Variants in PPARGC1A observed in about 807,000 individuals in gnomAD.
The protein encoded by PPARGC1A is PPARG coactivator 1 alpha.
In PPARGC1A, 25 loss-of-function variants were observed where a neutral mutation model predicts 88.7. That is an observed-to-expected ratio of 0.28 (90% confidence interval 0.21 to 0.39). The LOEUF (loss-of-function observed/expected upper bound fraction) is 0.39, where lower values mean the gene tolerates loss of function less well. PPARGC1A is among the 10% of genes least tolerant of loss of function. The pLI is 1.00. For synonymous variants in PPARGC1A, 363 were observed against 355.6 expected (o/e 1.02, Z -0.24); for missense variants, 880 against 968.7 (o/e 0.91, Z 1.22).
the PPARGC1A span, among the ~76,000 whole-genome samples, chr4:24,295,250 C>T: frequency 6.6e-6 from 1 of 152,180 alleles, no homozygotes; most frequent in Admixed American, 6.5e-5. Flanking sequence ...TCTTTCCCTC[C>T]ATCACAACTT....
chr4:23,828,334 G>T, intron 5 of PPARGC1A, 66 bp downstream of exon 5: 1 of 1,495,704 alleles, frequency 6.7e-7, no homozygotes, highest in Non-Finnish European at 9.3e-7. Flanking sequence ...TGTGTTCTCA[G>T]ACTTTGCATG....
chr4:24,452,511 T>C, the PPARGC1A span, among the ~76,000 whole-genome samples: 1 of 152,242 alleles, frequency 6.6e-6, no homozygotes, highest in Admixed American at 6.5e-5. Flanking sequence ...TAGGATCCAT[T>C]CGCTTCCTTG....
upstream of PPARGC1A, among the ~76,000 whole-genome samples, chr4:23,895,004 A>G (rs773123939): frequency 8.5e-5 from 13 of 152,058 alleles, no homozygotes; most frequent in Non-Finnish European, 1.6e-4. Flanking sequence ...GGCATATTAC[A>G]TATTGTCAAA....
intron 10 of PPARGC1A, 73 bp from the exon 11 acceptor site, chr4:23,802,418 A>C: frequency 6.3e-7 from 1 of 1,577,108 alleles, no homozygotes; most frequent in Non-Finnish European, 8.7e-7. Flanking sequence ...AGTGGCTCAC[A>C]CCTGTAATCC....
chr4:24,394,556 C>G, the PPARGC1A span, among the ~76,000 whole-genome samples: 1 of 152,166 alleles, frequency 6.6e-6, no homozygotes, highest in Non-Finnish European at 1.5e-5. Context: ...GAGATCAGCT[C>G]ATTTGAGATA....
At chr4:24,096,866 G>A in the PPARGC1A span, among the ~76,000 whole-genome samples, 3 of 152,032 alleles carry the variant, frequency 2.0e-5, no homozygotes, top group African/African-American at 4.8e-5. Flanking sequence ...ATATATATAC[G>A]AAAAACCTAT....
chr4:23,864,048 T>C (rs1731718904), intron 2 of PPARGC1A, among the ~76,000 whole-genome samples: 1 of 152,020 alleles, frequency 6.6e-6, no homozygotes. Flanking sequence ...GACCCAGCCT[T>C]GAAGATCTAT....
chr4:23,852,132 A>T (rs1019423742), intron 2 of PPARGC1A, among the ~76,000 whole-genome samples: 2 of 152,158 alleles, frequency 1.3e-5, no homozygotes, highest in African/African-American at 4.8e-5. Flanking sequence ...AAGGAGGCAG[A>T]CCACAACATT....
At chr4:24,073,936 A>C in the PPARGC1A span, among the ~76,000 whole-genome samples, 2 of 152,202 alleles carry the variant, frequency 1.3e-5, no homozygotes, top group South Asian at 4.1e-4. Flanking sequence ...TGGACTCCTG[A>C]TGGCTCCTGG....
Position 23,827,808 on chromosome 4 carries a change from AAGG to A in PPARGC1A, c.757+589_757+591del, listed in dbSNP as rs72461595. ...GTGAGCATAGCATGTGGTTGTAGAA[AAGG>A]AGGAGAAGGGGAAGAAGGAGTGGAA... is the stretch of plus-strand genomic sequence containing the variant. On this transcript the variant is annotated intron_variant, in intron 5 of 12. Coordinates refer to ENST00000264867, the MANE Select transcript of PPARGC1A (RefSeq NM_013261.5). 7.6e-3 allele frequency among the ~76,000 whole-genome samples: 1,163 copies of A among 152,140 alleles called. 12 individuals carry two copies. The highest frequency in any genetic ancestry group is 0.027 in the African/African-American group (1,108 of 41,522).
the PPARGC1A span, among the ~76,000 whole-genome samples, chr4:24,423,820 T>C: frequency 2.0e-5 from 3 of 152,172 alleles, no homozygotes; most frequent in Non-Finnish European, 4.4e-5. Context: ...CAGGGAAAAG[T>C]CAAACACTAC....
the PPARGC1A span, among the ~76,000 whole-genome samples, chr4:24,149,070 A>C: frequency 1.3e-5 from 2 of 151,756 alleles, no homozygotes; most frequent in Non-Finnish European, 2.9e-5. Context: ...TACTATACTT[A>C]TTTGTAAGTT....
chr4:24,422,813 A>G, the PPARGC1A span, among the ~76,000 whole-genome samples: 2 of 152,194 alleles, frequency 1.3e-5, no homozygotes, highest in African/African-American at 4.8e-5. Flanking sequence ...GGCTCTGGAA[A>G]TAAAGCTTTA....
At chr4:24,205,987 C>A in the PPARGC1A span, among the ~76,000 whole-genome samples, 1 of 152,136 alleles carries the variant, frequency 6.6e-6, no homozygotes. Context: ...AGGCAAAGTC[C>A]AGCCAAGATC....
At chr4:24,170,955 T>C in the PPARGC1A span, among the ~76,000 whole-genome samples, 1 of 152,186 alleles carries the variant, frequency 6.6e-6, no homozygotes, top group African/African-American at 2.4e-5. Context: ...CCTGGCTGAT[T>C]CTTGTGTGTG....
the PPARGC1A span, among the ~76,000 whole-genome samples, chr4:24,011,095 G>A: frequency 1.3e-5 from 2 of 152,146 alleles, no homozygotes; most frequent in Non-Finnish European, 2.9e-5. Context: ...AGGGACCACT[G>A]TCATCCTGTC....
the PPARGC1A span, among the ~76,000 whole-genome samples, chr4:23,973,363 A>T: frequency 6.6e-6 from 1 of 152,238 alleles, no homozygotes; most frequent in Non-Finnish European, 1.5e-5. Flanking sequence ...CTGGTTAAAA[A>T]GATGGAATCT....
Position 23,828,493 on chromosome 4 carries a change from G to A in PPARGC1A, c.664C>T (p.His222Tyr). 2 of 1,614,118 alleles carry A rather than the reference G, an allele frequency of 1.2e-6. No individual in the cohort carries two copies. The highest frequency in any genetic ancestry group is 8.5e-7 in the Non-Finnish European group (1 of 1,179,992). Residue 222 changes from histidine (H) to tyrosine (Y), a missense_variant, in exon 5 of 13, where the codon CAC becomes TAC. Physicochemically the swap from His to Tyr is moderately conservative, Grantham distance 83. Transcript: ENST00000264867. ...KYLTTNDDPPHTKPTENRNSS... is the reference protein window; with the variant it reads ...KYLTTNDDPPYTKPTENRNSS... The stretch of plus-strand genomic sequence containing the variant: ...TTTCTGTTCTCTGTGGGTTTGGTGT[G>A]AGGAGGGTCATCGTTTGTGGTCAGA...
At chr4:23,913,221 A>G in the PPARGC1A span, among the ~76,000 whole-genome samples, 1 of 140,444 alleles carries the variant, frequency 7.1e-6, no homozygotes, top group African/African-American at 2.6e-5. Flanking sequence ...CAATTGGTAG[A>G]TATTATATAT....
Sources: gnomAD v4.1 joint callset for allele counts (sites outside exome capture counted in the v4.1 genomes callset) on GRCh38, gnomAD v4.1.1 for gene constraint, MANE v1.5 for transcripts, NCBI Gene and HGNC (gene_info 2026-07-23, HGNC 2026-07-21) for gene names.